ANGPT1: variants seen among roughly 807,000 people sequenced by gnomAD.
ANGPT1 encodes angiopoietin 1.
Under a neutral mutation model 62.2 loss-of-function variants are expected in ANGPT1, and 17 were observed. That is an observed-to-expected ratio of 0.27 (90% CI 0.19 to 0.41). The LOEUF (loss-of-function observed/expected upper bound fraction) is 0.41, where lower values mean the gene tolerates loss of function less well. Among genes scored for constraint, ANGPT1 ranks in the 10% least tolerant of loss-of-function variants. The probability of loss-of-function intolerance (pLI) is 1.00; values close to 1 mark genes in which losing one functional copy is unlikely to be tolerated. For missense variants in ANGPT1, 478 were observed against 594.9 expected (o/e 0.80, Z 2.04); for synonymous variants, 199 against 198.9 (o/e 1.00, Z 0.00).
chr8:107,277,196 C>T (rs73701005), intron 7 of ANGPT1, among the ~76,000 whole-genome samples: 1,734 of 152,058 alleles, frequency 0.011, 25 homozygotes, highest in African/African-American at 0.039. Flanking sequence ...AGAGGATTTA[C>T]TAATTAAGTT....
intron 3 of ANGPT1, among the ~76,000 whole-genome samples, chr8:107,327,618 G>C (rs1281042561): frequency 6.6e-6 from 1 of 152,000 alleles, no homozygotes. Context: ...TAGGATTAGG[G>C]TTCCATGGAA....
chr8:107,283,145 T>C (rs1814056590), intron 7 of ANGPT1, among the ~76,000 whole-genome samples: 1 of 152,192 alleles, frequency 6.6e-6, no homozygotes, highest in South Asian at 2.1e-4. Context: ...TGTCTGACAT[T>C]AGCCAAGTTT....
intron 1 of ANGPT1, among the ~76,000 whole-genome samples, chr8:107,427,056 G>A (rs1024044174): frequency 1.3e-5 from 2 of 152,110 alleles, no homozygotes; most frequent in Non-Finnish European, 2.9e-5. Flanking sequence ...TTCTAACATA[G>A]AAAAAGAATA....
At chr8:107,293,197 GTGATGATGATGATGATGATGA>G (rs5893837) in intron 6 of ANGPT1, among the ~76,000 whole-genome samples, 2 of 148,778 alleles carry the variant, frequency 1.3e-5, no homozygotes, top group East Asian at 2.0e-4. Context: ...GAGAAGAACT[GTGATGATGATGATGATGATGA>G]TGATGATGAT....
At chr8:107,466,669 T>G (rs1812205601) in intron 1 of ANGPT1, among the ~76,000 whole-genome samples, 1 of 152,104 alleles carries the variant, frequency 6.6e-6, no homozygotes, top group South Asian at 2.1e-4. Flanking sequence ...CCCAGCACTT[T>G]GGGAGAAAGA....
At chr8:107,363,606 A>G (rs1476492203) in intron 1 of ANGPT1, among the ~76,000 whole-genome samples, 1 of 152,222 alleles carries the variant, frequency 6.6e-6, no homozygotes, top group South Asian at 2.1e-4. Context: ...AAAGCGAAGA[A>G]TAATGCATCT....
At chr8:107,271,051 A>C (rs1188710289) in intron 7 of ANGPT1, among the ~76,000 whole-genome samples, 1 of 151,980 alleles carries the variant, frequency 6.6e-6, no homozygotes, top group Non-Finnish European at 1.5e-5. Context: ...GCCATTAACC[A>C]AAACTCTTCC....
intron 1 of ANGPT1, among the ~76,000 whole-genome samples, chr8:107,411,663 A>G (rs1295771122): frequency 2.0e-5 from 3 of 152,240 alleles, no homozygotes; most frequent in African/African-American, 7.2e-5. Flanking sequence ...AGAAATATAT[A>G]TCAGTTTACA....
intron 1 of ANGPT1, among the ~76,000 whole-genome samples, chr8:107,390,441 G>A (rs1440365836): frequency 2.0e-5 from 3 of 152,188 alleles, no homozygotes; most frequent in Admixed American, 1.3e-4. Flanking sequence ...CTTGTGCTGA[G>A]TACAGATACT....
At chr8:107,354,134 C>A (rs1049057837) in intron 1 of ANGPT1, among the ~76,000 whole-genome samples, 1 of 152,020 alleles carries the variant, frequency 6.6e-6, no homozygotes, top group Admixed American at 6.6e-5. Context: ...GGGCCAGGAC[C>A]CAGGAAAGTC....
chr8:107,481,221 T>C (rs1487565167), intron 1 of ANGPT1, among the ~76,000 whole-genome samples: 1 of 152,126 alleles, frequency 6.6e-6, no homozygotes, highest in East Asian at 1.9e-4. Flanking sequence ...TCTGACTTTT[T>C]TGTTTCTTAC....
chr8:107,329,111 A>T (rs944094218), intron 3 of ANGPT1, among the ~76,000 whole-genome samples: 44 of 152,208 alleles, frequency 2.9e-4, no homozygotes, highest in African/African-American at 1.0e-3. Context: ...TATCATATAA[A>T]CAAGTACTTG....
chr8:107,370,744 G>A (rs1338661015), intron 1 of ANGPT1, among the ~76,000 whole-genome samples: 22 of 119,822 alleles, frequency 1.8e-4, no homozygotes, highest in East Asian at 2.5e-4. Context: ...AAGGAAGGAA[G>A]AAAAGAAGGA....
chr8:107,282,131 A>C (rs1354423277), intron 7 of ANGPT1, among the ~76,000 whole-genome samples: 2 of 151,740 alleles, frequency 1.3e-5, no homozygotes, highest in Non-Finnish European at 2.9e-5. Context: ...GAATAACACC[A>C]TCTTATAGTG....
At chr8:107,413,849 C>A (rs534944023) in intron 1 of ANGPT1, among the ~76,000 whole-genome samples, 15 of 151,986 alleles carry the variant, frequency 9.9e-5, no homozygotes, top group Admixed American at 2.6e-4. Context: ...GATGGCAGGG[C>A]AGTTAGTCTT....
At chr8:107,372,763 C>A (rs563801049) in intron 1 of ANGPT1, among the ~76,000 whole-genome samples, 2 of 151,742 alleles carry the variant, frequency 1.3e-5, no homozygotes, top group African/African-American at 4.8e-5. Context: ...ATACTTTCCT[C>A]TTGGTTAGTA....
At chr8:107,345,983 G>A (rs1234992340) in intron 2 of ANGPT1, among the ~76,000 whole-genome samples, 1 of 152,152 alleles carries the variant, frequency 6.6e-6, no homozygotes, top group Non-Finnish European at 1.5e-5. Context: ...GCATGAATGT[G>A]AGAAATCACT....
At chr8:107,375,358 C>T (rs1816509656) in intron 1 of ANGPT1, among the ~76,000 whole-genome samples, 1 of 151,986 alleles carries the variant, frequency 6.6e-6, no homozygotes, top group East Asian at 1.9e-4. Flanking sequence ...GGCCTTGTTC[C>T]CTTGAGGTAC....
At chr8:107,446,072 C>T (rs1031286836) in intron 1 of ANGPT1, among the ~76,000 whole-genome samples, 3 of 152,076 alleles carry the variant, frequency 2.0e-5, no homozygotes, top group African/African-American at 4.8e-5. Context: ...CACGTGCCAC[C>T]ATGCCCAGTT....
Sources: gnomAD v4.1 joint callset for allele counts (sites outside exome capture counted in the v4.1 genomes callset) on GRCh38, gnomAD v4.1.1 for gene constraint, MANE v1.5 for transcripts, NCBI Gene and HGNC (gene_info 2026-07-23, HGNC 2026-07-21) for gene names.